The following GPR139 variants were observed in gnomAD, a reference collection of about 807,000 sequenced individuals.
The protein encoded by GPR139 is probable G protein-coupled receptor 139.
Under a neutral mutation model 25.8 loss-of-function variants are expected in GPR139, and 12 were observed. The observed-to-expected ratio is 0.47, with a 90% CI of 0.30 to 0.75. The LOEUF is 0.75. GPR139 is among the 30% of genes least tolerant of loss of function. GPR139 has a pLI of 0.07. For missense variants in GPR139, 380 were observed against 450.2 expected (o/e 0.84, Z 1.41); for synonymous variants, 184 against 179.9 (o/e 1.02, Z -0.18).
At chr16:20,032,889 G>A (rs556774791) in intron 1 of GPR139, among the ~76,000 whole-genome samples, 13 of 152,316 alleles carry the variant, frequency 8.5e-5, no homozygotes, top group African/African-American at 3.1e-4. Flanking sequence ...CATGAGAGGT[G>A]GTGCCTCCAT....
At chr16:20,045,469 G>A (rs2057351218) in intron 1 of GPR139, among the ~76,000 whole-genome samples, 1 of 152,216 alleles carries the variant, frequency 6.6e-6, no homozygotes, top group South Asian at 2.1e-4. Context: ...ACTCTAGAGT[G>A]CATTTGATGC....
At chr16:20,067,360 G>A (rs1329480437) in intron 1 of GPR139, among the ~76,000 whole-genome samples, 1 of 152,146 alleles carries the variant, frequency 6.6e-6, no homozygotes, top group Non-Finnish European at 1.5e-5. Flanking sequence ...CTCGGCCAAG[G>A]TCACACAGTG....
rs149934779 is a variant in GPR139, at chr16:20,039,087, C to T, written c.128-6418G>A. ...AGCAAATCCTTTCTGTCAATGGTGT[C>T]GTCAGACAGGTTTAAGTTCCTGGAT... On this transcript the variant is annotated intron_variant, in intron 1 of 1. Coordinates refer to ENST00000570682, the MANE Select transcript of GPR139 (RefSeq NM_001002911.4). 2.6e-5 allele frequency among the ~76,000 whole-genome samples: 4 copies of T among 152,272 alleles called. No individual in the cohort carries two copies. In the East Asian group the frequency reaches 5.8e-4, roughly 22 times the overall value.
chr16:20,050,663 A>T (rs551687846), intron 1 of GPR139, among the ~76,000 whole-genome samples: 66 of 152,350 alleles, frequency 4.3e-4, no homozygotes, highest in African/African-American at 1.6e-3. Context: ...GAGAAGTAAC[A>T]GTCCCTGATT....
rs919372430 is a variant in GPR139 at position 20,029,690 on chromosome 16, G to A, written c.*2045C>T. ...CCACTCAATGAGCATACGCCCTGGG[G>A]AGCGTGGGAGATGGGAGATCTGTCC... On this transcript the variant is annotated 3_prime_UTR_variant, in exon 2 of 2. Transcript: ENST00000570682. Among the ~76,000 whole-genome samples the A allele has an allele frequency of 1.3e-5, 2 of 152,124 alleles. No individual in the cohort carries two copies. Among genetic ancestry groups the A allele is most frequent in the Admixed American group, 6.5e-5 (1 of 15,268 alleles).
chr16:20,073,813 C>A lies in GPR139; in HGVS notation c.-197G>T, dbSNP rs1391118818. On this transcript the variant is annotated 5_prime_UTR_variant, in exon 1 of 2. Coordinates refer to ENST00000570682, the MANE Select transcript of GPR139 (RefSeq NM_001002911.4). The surrounding 1 kb of genome is among the most constrained non-coding windows in gnomAD (Gnocchi z 4.7). The stretch of plus-strand genomic sequence containing the variant: ...CTGCCCGCCTGGAGTCTTGGCTCAG[C>A]CCTCCCGCAGGGCGCGGGGCGCAGG... 5.9e-6 allele frequency: 4 copies of A among 675,306 alleles called. No homozygotes were observed. The highest frequency in any genetic ancestry group is 9.0e-6 in the Non-Finnish European group (4 of 444,746). The allele number at this position is 675,306 out of a possible 1,614,324, so 41.8% of individuals were successfully genotyped here. A position where few individuals can be genotyped will look rare whatever the true frequency, so the allele number is the denominator to read the frequency against.
chr16:20,055,567 C>T (rs1000303561), intron 1 of GPR139, among the ~76,000 whole-genome samples: 1 of 152,214 alleles, frequency 6.6e-6, no homozygotes, highest in African/African-American at 2.4e-5. Context: ...ATTTCAACCT[C>T]CTTTCAGAAA....
At chr16:20,035,140 C>G (rs1298878364) in intron 1 of GPR139, among the ~76,000 whole-genome samples, 1 of 152,154 alleles carries the variant, frequency 6.6e-6, no homozygotes, top group Non-Finnish European at 1.5e-5. Flanking sequence ...TCCATATCCT[C>G]TCAGTATTAC....
intron 1 of GPR139, among the ~76,000 whole-genome samples, chr16:20,039,351 AG>A (rs1453820366): frequency 2.6e-5 from 4 of 152,356 alleles, no homozygotes; most frequent in South Asian, 2.1e-4. Context: ...GGGTCTCTGC[AG>A]GTTCCTTGGA....
intron 1 of GPR139, among the ~76,000 whole-genome samples, chr16:20,047,109 A>ATTT (rs112181101): frequency 1.3e-5 from 2 of 148,482 alleles, no homozygotes; most frequent in African/African-American, 2.5e-5. Flanking sequence ...CTTCTTAGGG[A>ATTT]TTTTTTTTTT....
At position 20,073,857 on chromosome 16, in the gene GPR139, G is replaced by A. The variant is rs1051039434; in HGVS notation, c.-241C>T. 1 of 463,916 alleles carries A rather than the reference G, an allele frequency of 2.2e-6. No homozygotes were observed. Among genetic ancestry groups the A allele is most frequent in the Admixed American group, 4.6e-5 (1 of 21,732 alleles). 28.7% of individuals were successfully genotyped at this position (463,916 alleles called of 1,614,324 possible). ...GCGCAGGGTGCGGGGCGCGCTGCGC[G>A]GGGCCTCGGGAGGGGCTCCCGGAGC... On this transcript the variant is annotated 5_prime_UTR_variant, in exon 1 of 2. Coordinates refer to ENST00000570682, the MANE Select transcript of GPR139 (RefSeq NM_001002911.4). The surrounding 1 kb of genome is among the most constrained non-coding windows in gnomAD (Gnocchi z 4.7).
intron 1 of GPR139, among the ~76,000 whole-genome samples, chr16:20,039,711 G>T (rs961206794): frequency 6.6e-6 from 1 of 152,132 alleles, no homozygotes; most frequent in African/African-American, 2.4e-5. Context: ...AAACCAAACT[G>T]TTAAATGTAT....
intron 1 of GPR139, among the ~76,000 whole-genome samples, chr16:20,067,824 A>AAT (rs59246587): frequency 1.3e-5 from 2 of 151,312 alleles, no homozygotes; most frequent in Non-Finnish European, 2.9e-5. Context: ...AAAAAAAAAA[A>AAT]GCATTGGAGT....
rs1162103335 is a variant in GPR139 at position 20,073,826 on chromosome 16, C to CGCGGGGCGCAGGGT, written c.-224_-211dup. On this transcript the variant is annotated 5_prime_UTR_variant, in exon 1 of 2. Transcript: ENST00000570682. This position sits in a 1 kb window ranked among gnomAD's most constrained non-coding sequence, Gnocchi z 4.7. ...GTCTTGGCTCAGCCCTCCCGCAGGG[C>CGCGGGGCGCAGGGT]GCGGGGCGCAGGGTGCGGGGCGCGC... 3 of 596,780 alleles carry CGCGGGGCGCAGGGT rather than the reference C, an allele frequency of 5.0e-6. No individual in the cohort carries two copies. The highest frequency in any genetic ancestry group is 5.8e-5 in the South Asian group (2 of 34,522). The allele number at this position is 596,780 out of a possible 1,614,324, so 37.0% of individuals were successfully genotyped here. A position where few individuals can be genotyped will look rare whatever the true frequency, so the allele number is the denominator to read the frequency against.
rs1480751019 is a variant in GPR139, at chr16:20,032,149, A to C, written c.648T>G (p.Phe216Leu). The C allele has an allele frequency of 6.2e-7, 1 of 1,614,202 alleles. No homozygotes were observed. The highest frequency in any genetic ancestry group is 1.1e-5 in the South Asian group (1 of 91,082). ...IVYKLRRKSN[F>L]RLRGYSTGKT... Reference sequence around the variant, plus strand: ...TCCCCGTGGAGTAGCCACGGAGACGAAAATTGCTCTTCCTCCTGAGCTTGT... The same window carrying C: ...TCCCCGTGGAGTAGCCACGGAGACGCAAATTGCTCTTCCTCCTGAGCTTGT... The change falls in exon 2 of 2, where the codon TTT becomes TTG. Residue 216 changes from phenylalanine to leucine, a missense_variant. Transcript: ENST00000570682.
At chr16:20,046,584 T>C (rs1279057487) in intron 1 of GPR139, among the ~76,000 whole-genome samples, 1 of 152,072 alleles carries the variant, frequency 6.6e-6, no homozygotes, top group African/African-American at 2.4e-5. Flanking sequence ...AAGTGGTAAG[T>C]GTAAGCCAGG....
intron 1 of GPR139, among the ~76,000 whole-genome samples, chr16:20,058,663 A>G (rs921010994): frequency 2.6e-5 from 4 of 152,138 alleles, no homozygotes; most frequent in African/African-American, 9.7e-5. Context: ...GCTAGACACT[A>G]TGTTATCAGT....
chr16:20,057,686 A>G (rs947085329), intron 1 of GPR139, among the ~76,000 whole-genome samples: 3 of 152,042 alleles, frequency 2.0e-5, no homozygotes, highest in African/African-American at 7.3e-5. Flanking sequence ...CCACCAGAGG[A>G]CCCTGGAGTC....
intron 1 of GPR139, among the ~76,000 whole-genome samples, chr16:20,046,600 G>A (rs1287361097): frequency 2.0e-5 from 3 of 152,100 alleles, no homozygotes; most frequent in African/African-American, 7.2e-5. Flanking sequence ...CCAGGAGGCC[G>A]AGACATTTTC....
Sources: gnomAD v4.1 joint callset for allele counts (sites outside exome capture counted in the v4.1 genomes callset) on GRCh38, gnomAD v4.1.1 for gene constraint, Gnocchi (gnomAD v3.1) non-coding constraint, MANE v1.5 for transcripts, NCBI Gene and HGNC (gene_info 2026-07-23, HGNC 2026-07-21) for gene names.